Variants in LRRC4C observed in about 807,000 individuals in gnomAD.
LRRC4C encodes leucine rich repeat containing 4C.
A neutral mutation model predicts 33.6 loss-of-function variants in LRRC4C; 5 were observed. The observed-to-expected ratio is 0.15, with a 90% CI of 0.08 to 0.31. The LOEUF (loss-of-function observed/expected upper bound fraction) is 0.31. Among genes scored for constraint, LRRC4C ranks in the 10% least tolerant of loss-of-function variants. The pLI, the probability that LRRC4C is intolerant of heterozygous loss-of-function variation, is 1.00. For missense variants in LRRC4C, 560 were observed against 796.7 expected (o/e 0.70, Z 3.58); for synonymous variants, 329 against 302.0 (o/e 1.09, Z -0.93).
intron 1 of LRRC4C, among the ~76,000 whole-genome samples, chr11:41,257,497 T>C (rs954699165): frequency 1.3e-5 from 2 of 152,006 alleles, no homozygotes; most frequent in African/African-American, 4.8e-5. Context: ...ACCTGAGTGA[T>C]AGAAGAACAC....
intron 4 of LRRC4C, among the ~76,000 whole-genome samples, chr11:40,318,476 T>C (rs1945684245): frequency 2.0e-5 from 3 of 152,182 alleles, no homozygotes; most frequent in Admixed American, 2.0e-4. Context: ...ATTAAGTCAA[T>C]CCTGCTACCT....
intron 1 of LRRC4C, among the ~76,000 whole-genome samples, chr11:40,956,768 A>G (rs926330105): frequency 1.3e-5 from 2 of 151,738 alleles, no homozygotes; most frequent in African/African-American, 4.8e-5. Context: ...TCTCTCATCA[A>G]TATAAACACT....
intron 3 of LRRC4C, among the ~76,000 whole-genome samples, chr11:40,637,002 C>A (rs564882454): frequency 6.6e-6 from 1 of 152,162 alleles, no homozygotes; most frequent in Non-Finnish European, 1.5e-5. Flanking sequence ...ATCATTCCCC[C>A]CTTAACCCTG....
chr11:40,256,068 C>T (rs150795522), intron 4 of LRRC4C, among the ~76,000 whole-genome samples: 254 of 152,310 alleles, frequency 1.7e-3, no homozygotes, highest in Non-Finnish European at 2.8e-3. Flanking sequence ...GATCTACAAC[C>T]TTTTTAGTTG....
intron 2 of LRRC4C, among the ~76,000 whole-genome samples, chr11:40,733,464 T>C (rs1947709121): frequency 2.0e-5 from 3 of 152,144 alleles, no homozygotes; most frequent in Admixed American, 6.5e-5. Flanking sequence ...ATCTGTCAAT[T>C]TTGTTATGTT....
chr11:40,729,473 C>G (rs563961314), intron 2 of LRRC4C, among the ~76,000 whole-genome samples: 1 of 152,252 alleles, frequency 6.6e-6, no homozygotes, highest in African/African-American at 2.4e-5. Flanking sequence ...AGTCATCATG[C>G]CAGCTTCAGG....
At chr11:41,382,394 T>C (rs1408974915) in intron 1 of LRRC4C, among the ~76,000 whole-genome samples, 1 of 151,990 alleles carries the variant, frequency 6.6e-6, no homozygotes, top group African/African-American at 2.4e-5. Flanking sequence ...AAATAAATCA[T>C]TTTCAGACAA....
chr11:40,236,243 A>G (rs1376299674), intron 5 of LRRC4C, among the ~76,000 whole-genome samples: 2 of 152,212 alleles, frequency 1.3e-5, no homozygotes, highest in Admixed American at 1.3e-4. Flanking sequence ...TTAAGTCTCA[A>G]GTCAATTATT....
intron 1 of LRRC4C, among the ~76,000 whole-genome samples, chr11:40,984,421 GAAAGAAAGAGAAAA>G (rs1852837904): frequency 3.9e-5 from 5 of 126,674 alleles, no homozygotes; most frequent in East Asian, 4.2e-4. Context: ...GAAAGAGAAA[GAAAGAAAGAGAAAA>G]AGAAAGAAAG....
chr11:41,043,980 T>C (rs1168304556), intron 1 of LRRC4C, among the ~76,000 whole-genome samples: 1 of 151,902 alleles, frequency 6.6e-6, no homozygotes, highest in African/African-American at 2.4e-5. Context: ...ACACACAACA[T>C]ATATCCAATC....
At chr11:40,434,031 A>G (rs1590722542) in intron 3 of LRRC4C, among the ~76,000 whole-genome samples, 1 of 152,202 alleles carries the variant, frequency 6.6e-6, no homozygotes, top group East Asian at 1.9e-4. Context: ...TTAAACAACT[A>G]TTTTTTCTTC....
intron 2 of LRRC4C, among the ~76,000 whole-genome samples, chr11:40,765,345 C>G (rs751579414): frequency 2.6e-5 from 4 of 152,186 alleles, no homozygotes; most frequent in Non-Finnish European, 5.9e-5. Flanking sequence ...GCCTGCTTAC[C>G]TTCCACCTTC....
chr11:40,952,074 T>C (rs185851639), intron 1 of LRRC4C, among the ~76,000 whole-genome samples: 1 of 152,126 alleles, frequency 6.6e-6, no homozygotes, highest in East Asian at 1.9e-4. Flanking sequence ...TTAGCTATTA[T>C]TAATTTTATT....
intron 1 of LRRC4C, among the ~76,000 whole-genome samples, chr11:41,404,558 ACACACC>A (rs796723904): frequency 0.097 from 12,041 of 123,554 alleles, 1,492 homozygotes; most frequent in African/African-American, 0.3. Flanking sequence ...ACACACACAC[ACACACC>A]CCCCGAGGTT....
chr11:40,221,182 T>G (rs747897087), intron 5 of LRRC4C, among the ~76,000 whole-genome samples: 1 of 152,190 alleles, frequency 6.6e-6, no homozygotes, highest in Non-Finnish European at 1.5e-5. Flanking sequence ...TATTACCCTA[T>G]GTATCTCTAA....
At chr11:41,203,656 G>A (rs1946485807) in intron 1 of LRRC4C, among the ~76,000 whole-genome samples, 1 of 152,080 alleles carries the variant, frequency 6.6e-6, no homozygotes, top group Admixed American at 6.6e-5. Flanking sequence ...ACGAATTTGT[G>A]GGTTACCTTG....
chr11:40,620,959 T>C (rs1373842628), intron 3 of LRRC4C, among the ~76,000 whole-genome samples: 1 of 151,740 alleles, frequency 6.6e-6, no homozygotes, highest in Non-Finnish European at 1.5e-5. Flanking sequence ...TCCTGTGCTC[T>C]ACAGGCCTAC....
chr11:40,183,723 C>T (rs1311759651), intron 5 of LRRC4C, among the ~76,000 whole-genome samples: 1 of 152,202 alleles, frequency 6.6e-6, no homozygotes, highest in Non-Finnish European at 1.5e-5. Context: ...GAAGTGCTTG[C>T]ATTTTGAAAA....
chr11:41,187,843 C>T (rs928343925), intron 1 of LRRC4C, among the ~76,000 whole-genome samples: 17 of 152,210 alleles, frequency 1.1e-4, no homozygotes, highest in African/African-American at 4.1e-4. Flanking sequence ...GTTTGAGCAG[C>T]AGGGTAGCAA....
Sources: allele counts gnomAD v4.1 joint callset (sites outside exome capture counted in the v4.1 genomes callset), GRCh38; gene constraint gnomAD v4.1.1; transcripts MANE v1.5; gene names NCBI Gene and HGNC (gene_info 2026-07-23, HGNC 2026-07-21).